The following KCNAB2 variants were observed in gnomAD, a reference collection of about 807,000 sequenced individuals.
KCNAB2 encodes the protein voltage-gated potassium channel subunit beta-2.
A neutral mutation model predicts 63.6 loss-of-function variants in KCNAB2; 29 were observed. The ratio of observed to expected loss-of-function variants is 0.46; its 90% confidence interval spans 0.34 to 0.62. The LOEUF (loss-of-function observed/expected upper bound fraction) is 0.62, where lower values mean the gene tolerates loss of function less well. Ranked by LOEUF, KCNAB2 falls within the 20% of genes least tolerant of loss-of-function variation. The pLI, the probability that KCNAB2 is intolerant of heterozygous loss-of-function variation, is 0.01. For missense variants in KCNAB2, 359 were observed against 563.9 expected (o/e 0.64, Z 3.68); for synonymous variants, 222 against 224.2 (o/e 0.99, Z 0.09).
At chr1:6,067,437 TC>T (rs1309765646) in intron 2 of KCNAB2, among the ~76,000 whole-genome samples, 1 of 152,198 alleles carries the variant, frequency 6.6e-6, no homozygotes, top group African/African-American at 2.4e-5. Flanking sequence ...TGTGAGTCCA[TC>T]CTGATGCCTG....
At chr1:6,033,482 T>C (rs1277778569), upstream of KCNAB2, among the ~76,000 whole-genome samples, 8 of 152,136 alleles carry the variant, frequency 5.3e-5, no homozygotes, top group Admixed American at 5.2e-4. Context: ...TGCCTGTGCA[T>C]GTATGCATGT....
Position 6,073,892 on chromosome 1 carries a change from C to T in KCNAB2, c.300+122C>T, listed in dbSNP as rs1663441519. The T allele has an allele frequency of 1.9e-6, 2 of 1,041,670 alleles. No homozygotes were observed. The highest frequency in any genetic ancestry group is 1.6e-5 in the African/African-American group (1 of 63,242). 64.5% of individuals were successfully genotyped at this position (1,041,670 alleles called of 1,614,324 possible). A position where few individuals can be genotyped will look rare whatever the true frequency, so the allele number is the denominator to read the frequency against. ...GGAGCCAGCGCAGCAGCCTCCCTCC[C>T]TCTTTCTGTTTTGTGAGGGCGCCCT... On this transcript the variant is annotated intron_variant, in intron 4 of 15. Coordinates refer to ENST00000378083, the MANE Select transcript of KCNAB2 (RefSeq NM_001199862.2). This position sits in a 1 kb window ranked among gnomAD's most constrained non-coding sequence, Gnocchi z 5.7.
chr1:6,085,272 C>CT, intron 6 of KCNAB2, 24 bp downstream of exon 6: 1 of 1,611,640 alleles, frequency 6.2e-7, no homozygotes, highest in Non-Finnish European at 8.5e-7. Flanking sequence ...TCTCTGCGGC[C>CT]TGTCCCTGGG....
rs1421915762 is a variant in KCNAB2 at position 6,078,427 on chromosome 1, TAG to T, written c.301-3766_301-3765del. Among the ~76,000 whole-genome samples, 9 of 140,370 alleles carry T rather than the reference TAG, an allele frequency of 6.4e-5. No individual in the cohort carries two copies. Among genetic ancestry groups the T allele is most frequent in the African/African-American group, 2.5e-4 (9 of 35,442 alleles). 92.1% of individuals were successfully genotyped at this position (140,370 alleles called of 152,430 possible). A position where few individuals can be genotyped will look rare whatever the true frequency, so the allele number is the denominator to read the frequency against. On this transcript the variant is annotated intron_variant, in intron 4 of 15. Coordinates refer to ENST00000378083, the MANE Select transcript of KCNAB2 (RefSeq NM_001199862.2). This position sits in a 1 kb window ranked among gnomAD's most constrained non-coding sequence, Gnocchi z 4.2. ...ATTTAGTTGACTGCAGAGAAGAAAGTAGAAAAAGGAGGGCAGGGGGGCGGGGG... is the reference window on the plus strand; with the variant it reads ...ATTTAGTTGACTGCAGAGAAGAAAGTAAAAAGGAGGGCAGGGGGGCGGGGG...
intron 1 of KCNAB2, among the ~76,000 whole-genome samples, chr1:6,049,577 G>T (rs1021933572): frequency 1.3e-5 from 2 of 152,232 alleles, no homozygotes; most frequent in African/African-American, 4.8e-5. Context: ...CCCCAAGGAC[G>T]ACTGGTTGCT....
chr1:6,055,631 C>T (rs1221958343), intron 2 of KCNAB2, among the ~76,000 whole-genome samples: 1 of 152,218 alleles, frequency 6.6e-6, no homozygotes, highest in Non-Finnish European at 1.5e-5. Context: ...GCTGGGATTA[C>T]AGGCATGAGC....
chr1:5,997,202 A>G (rs1351440700), intron 1 of KCNAB2, among the ~76,000 whole-genome samples: 2 of 152,172 alleles, frequency 1.3e-5, no homozygotes, highest in African/African-American at 2.4e-5. Context: ...GGGCAGCCCA[A>G]CGGAGCCCCC....
At chr1:6,085,717 C>A in intron 6 of KCNAB2, 2 of 559,658 alleles carry the variant, frequency 3.6e-6, no homozygotes, top group Non-Finnish European at 4.6e-6. Flanking sequence ...GGGGTTGGAT[C>A]CCACCCTGCA....
chr1:6,005,078 A>G (rs1419018184), intron 1 of KCNAB2, among the ~76,000 whole-genome samples: 2 of 4,846 alleles, frequency 4.1e-4, no homozygotes, highest in African/African-American at 1.1e-3. Flanking sequence ...GGGACATGGA[A>G]GCTGAGCTGA....
At position 6,071,836 on chromosome 1, in the gene KCNAB2, C is replaced by G. The variant is rs532856645; in HGVS notation, c.219-919C>G. Among the ~76,000 whole-genome samples, 4 of 149,586 alleles carry G rather than the reference C, an allele frequency of 2.7e-5. No homozygotes were observed. The highest frequency in any genetic ancestry group is 9.8e-5 in the African/African-American group (4 of 40,718). Reference sequence around the variant, plus strand: ...CGAGGGCACCTCCTGCCGCATAGGGCACCTCCTGCCGCGAGGGCACCTCCT... The same window carrying G: ...CGAGGGCACCTCCTGCCGCATAGGGGACCTCCTGCCGCGAGGGCACCTCCT... On this transcript the variant is annotated intron_variant, in intron 2 of 15. Transcript: ENST00000378083. The surrounding 1 kb of genome is among the most constrained non-coding windows in gnomAD (Gnocchi z 8.5).
At chr1:6,048,981 A>C (rs555481855) in intron 1 of KCNAB2, among the ~76,000 whole-genome samples, 1 of 152,242 alleles carries the variant, frequency 6.6e-6, no homozygotes, top group Non-Finnish European at 1.5e-5. Flanking sequence ...CCTGGAAGGC[A>C]GACGGCTTTC....
chr1:6,078,340 C>T lies in KCNAB2; in HGVS notation c.301-3855C>T, dbSNP rs574928694. Reference sequence around the variant, plus strand: ...TCACGTTAATCCCATCTGCAAAGTCCCTCTTTCTACCTAAGGTCACATTCC... The same window carrying T: ...TCACGTTAATCCCATCTGCAAAGTCTCTCTTTCTACCTAAGGTCACATTCC... On this transcript the variant is annotated intron_variant, in intron 4 of 15. Coordinates refer to ENST00000378083, the MANE Select transcript of KCNAB2 (RefSeq NM_001199862.2). The surrounding 1 kb of genome is among the most constrained non-coding windows in gnomAD (Gnocchi z 4.2). 7.2e-5 allele frequency among the ~76,000 whole-genome samples: 11 copies of T among 152,334 alleles called. No homozygotes were observed. Among genetic ancestry groups the T allele is most frequent in the Admixed American group, 2.0e-4 (3 of 15,312 alleles).
chr1:6,057,798 G>A (rs529828849), intron 2 of KCNAB2, among the ~76,000 whole-genome samples: 10 of 152,088 alleles, frequency 6.6e-5, no homozygotes, highest in Admixed American at 1.3e-4. Context: ...TGCCTCTGCC[G>A]TCCCATGGCC....
rs1295104 is a variant in KCNAB2 at position 6,028,213 on chromosome 1, T to A, written c.-52-12304T>A. On this transcript the variant is annotated intron_variant, in intron 1 of 16. Transcript: ENST00000341524. This position sits in a 1 kb window ranked among gnomAD's most constrained non-coding sequence, Gnocchi z 4.0. ...GGAAGGAATGGGCTCCTGTGTGGGCTCCTGGCTTCTGGGTGAGAGGGGAAG... is the reference window on the plus strand; with the variant it reads ...GGAAGGAATGGGCTCCTGTGTGGGCACCTGGCTTCTGGGTGAGAGGGGAAG... 6.6e-5 allele frequency among the ~76,000 whole-genome samples: 10 copies of A among 152,294 alleles called. No individual in the cohort carries two copies. The highest frequency in any genetic ancestry group is 2.2e-4 in the African/African-American group (9 of 41,556).
chr1:6,096,514 T>G lies in KCNAB2; in HGVS notation c.949-122T>G. 5 of 1,322,650 alleles carry G rather than the reference T, an allele frequency of 3.8e-6. No individual in the cohort carries two copies. The highest frequency in any genetic ancestry group is 5.1e-6 in the Non-Finnish European group (5 of 983,190). The allele number at this position is 1,322,650 out of a possible 1,614,324, so 81.9% of individuals were successfully genotyped here. The stretch of plus-strand genomic sequence containing the variant: ...CAGGGGCACTGCCCTGGCTTCAAGA[T>G]GAGAAGAGCCCCTATGAGGGAGAAG... On this transcript the variant is annotated intron_variant, in intron 13 of 15. Coordinates refer to ENST00000378083, the MANE Select transcript of KCNAB2 (RefSeq NM_001199862.2). The surrounding 1 kb of genome is among the most constrained non-coding windows in gnomAD (Gnocchi z 5.9).
chr1:6,053,224 G>A (rs1258485359), intron 2 of KCNAB2, among the ~76,000 whole-genome samples: 4 of 152,086 alleles, frequency 2.6e-5, no homozygotes, highest in African/African-American at 4.8e-5. Context: ...AGAAGGAGAC[G>A]CTGGGCATTC....
intron 6 of KCNAB2, chr1:6,085,997 A>G: frequency 1.0e-6 from 1 of 985,432 alleles, no homozygotes; most frequent in Non-Finnish European, 1.2e-6. Flanking sequence ...CCAGGAGCCT[A>G]TGGGCCCTTC....
In KCNAB2 at chr1:6,099,524, G is replaced by T; in HGVS notation, c.*950G>T. On this transcript the variant is annotated 3_prime_UTR_variant, in exon 16 of 16. Coordinates refer to ENST00000378083, the MANE Select transcript of KCNAB2 (RefSeq NM_001199862.2). ...GCTGGCCACACCACGGCAAGTGGCA[G>T]CAGGGGCCGGCCCTGTGCACAAGGA... 2.8e-6 allele frequency: 1 copy of T among 363,462 alleles called. No homozygotes were observed. Among genetic ancestry groups the T allele is most frequent in the East Asian group, 4.5e-5 (1 of 22,430 alleles). The allele number at this position is 363,462 out of a possible 1,614,324, so 22.5% of individuals were successfully genotyped here.
intron 2 of KCNAB2, among the ~76,000 whole-genome samples, chr1:6,068,540 T>C (rs1662939377): frequency 6.6e-6 from 1 of 152,226 alleles, no homozygotes; most frequent in African/African-American, 2.4e-5. Flanking sequence ...CTTTCCTTGC[T>C]GCTGTCACGG....
Sources: gnomAD v4.1 joint callset for allele counts (sites outside exome capture counted in the v4.1 genomes callset) on GRCh38, gnomAD v4.1.1 for gene constraint, Gnocchi (gnomAD v3.1) non-coding constraint, MANE v1.5 for transcripts, NCBI Gene and HGNC (gene_info 2026-07-23, HGNC 2026-07-21) for gene names.